Variants in CARMIL1 observed in about 807,000 individuals in gnomAD.
CARMIL1 encodes F-actin-uncapping protein LRRC16A.
Under a neutral mutation model 177.1 loss-of-function variants are expected in CARMIL1, and 90 were observed. That is an observed-to-expected ratio of 0.51 (90% CI 0.43 to 0.61). CARMIL1 has a LOEUF of 0.61. Among genes scored for constraint, CARMIL1 ranks in the 20% least tolerant of loss-of-function variants. The pLI is 0.00. For missense variants in CARMIL1, 1,380 were observed against 1,667.0 expected (o/e 0.83, Z 3.00); for synonymous variants, 577 against 606.2 (o/e 0.95, Z 0.71).
chr6:25,393,556 C>CAAAAAAAAAAA, intron 2 of CARMIL1: 1 of 91,742 alleles, frequency 1.1e-5, no homozygotes, highest in Non-Finnish European at 2.3e-5. Flanking sequence ...AACTCCATCT[C>CAAAAAAAAAAA]AAAAAAAAAA....
intron 2 of CARMIL1, among the ~76,000 whole-genome samples, chr6:25,348,388 T>C (rs139436607): frequency 0.056 from 8,532 of 151,364 alleles, 288 homozygotes; most frequent in Non-Finnish European, 0.088. Context: ...CTCCTCGGCC[T>C]CCCAAAGTGT....
chr6:25,328,480 T>C (rs1785321597), intron 2 of CARMIL1, among the ~76,000 whole-genome samples: 1 of 152,152 alleles, frequency 6.6e-6, no homozygotes, highest in African/African-American at 2.4e-5. Flanking sequence ...CCTTTCTACT[T>C]GGATATATTT....
chr6:25,459,258 C>CTT (rs1286225879), intron 8 of CARMIL1, among the ~76,000 whole-genome samples: 3 of 110,002 alleles, frequency 2.7e-5, no homozygotes, highest in South Asian at 6.2e-4. Flanking sequence ...TTCTTTCTTT[C>CTT]TTTCTTTCTT....
chr6:25,367,102 C>A (rs1581701047), intron 2 of CARMIL1, among the ~76,000 whole-genome samples: 2 of 152,164 alleles, frequency 1.3e-5, no homozygotes, highest in East Asian at 3.9e-4. Flanking sequence ...TTGGCTGCTA[C>A]TGTGAAAATT....
At chr6:25,584,437 G>T (rs1813454228) in intron 31 of CARMIL1, among the ~76,000 whole-genome samples, 1 of 148,942 alleles carries the variant, frequency 6.7e-6, no homozygotes. Flanking sequence ...GCAGAACAGA[G>T]AATTTCTCAT....
chr6:25,539,530 C>T (rs1296176202), intron 25 of CARMIL1, among the ~76,000 whole-genome samples: 2 of 142,940 alleles, frequency 1.4e-5, no homozygotes, highest in Non-Finnish European at 3.0e-5. Flanking sequence ...GAGACTGAGA[C>T]AGGAGAATCG....
intron 17 of CARMIL1, among the ~76,000 whole-genome samples, chr6:25,501,934 T>C (rs1326968132): frequency 6.8e-6 from 1 of 146,292 alleles, no homozygotes; most frequent in Admixed American, 7.0e-5. Context: ...TTATGTGATT[T>C]AACAGTCTTG....
At chr6:25,400,938 T>A (rs1227367471) in intron 2 of CARMIL1, among the ~76,000 whole-genome samples, 1 of 152,232 alleles carries the variant, frequency 6.6e-6, no homozygotes, top group African/African-American at 2.4e-5. Context: ...AACCAAGCCA[T>A]CCTTAAGAAA....
At chr6:25,322,139 T>C (rs1228189329) in intron 2 of CARMIL1, among the ~76,000 whole-genome samples, 2 of 151,890 alleles carry the variant, frequency 1.3e-5, no homozygotes, top group African/African-American at 2.4e-5. Flanking sequence ...TTTTTGTTTT[T>C]TGAGACAGAG....
intron 2 of CARMIL1, among the ~76,000 whole-genome samples, chr6:25,303,781 G>T (rs1783053117): frequency 1.3e-5 from 2 of 152,324 alleles, no homozygotes; most frequent in South Asian, 4.1e-4. Context: ...CTTTTAGGAA[G>T]ATTACTAAAA....
At chr6:25,596,842 AACAC>A (rs1041676588) in intron 32 of CARMIL1, among the ~76,000 whole-genome samples, 1 of 102,288 alleles carries the variant, frequency 9.8e-6, no homozygotes, top group Non-Finnish European at 1.9e-5. Flanking sequence ...TCTGTCACCA[AACAC>A]ACAGACACAC....
chr6:25,473,991 T>G (rs1365732369), intron 11 of CARMIL1, among the ~76,000 whole-genome samples: 1 of 152,194 alleles, frequency 6.6e-6, no homozygotes, highest in Non-Finnish European at 1.5e-5. Context: ...GGACAAGGTT[T>G]AAGAAGGAAT....
intron 5 of CARMIL1, among the ~76,000 whole-genome samples, chr6:25,448,301 C>G (rs1240351817): frequency 3.3e-5 from 5 of 152,152 alleles, no homozygotes; most frequent in African/African-American, 1.2e-4. Flanking sequence ...GTGAGGCGCA[C>G]CATGGCCTGG....
chr6:25,292,765 A>G (rs1408984049), intron 2 of CARMIL1, among the ~76,000 whole-genome samples: 2 of 152,104 alleles, frequency 1.3e-5, no homozygotes, highest in Non-Finnish European at 2.9e-5. Context: ...CCACCCTTGG[A>G]CCAGGGCAAT....
At chr6:25,438,577 C>G (rs1208833332) in intron 5 of CARMIL1, among the ~76,000 whole-genome samples, 1 of 152,192 alleles carries the variant, frequency 6.6e-6, no homozygotes, top group East Asian at 1.9e-4. Context: ...ATATCATCTT[C>G]CCAGGGCTTC....
Position 25,610,186 on chromosome 6 carries a change from G to A in CARMIL1, c.3979+5G>A, listed in dbSNP as rs754557939. On this transcript the variant is annotated splice_donor_5th_base_variant and intron_variant, in intron 36 of 36. Transcript: ENST00000329474. ...CCAGGACATTTTCACAGGAAGGTAA[G>A]GATTGTAAGGATTTCTTTTCTCTGG... 5.0e-6 allele frequency: 8 copies of A among 1,608,994 alleles called. No individual in the cohort carries two copies. The highest frequency in any genetic ancestry group is 6.8e-6 in the Non-Finnish European group (8 of 1,177,748).
At chr6:25,450,777 C>G in intron 8 of CARMIL1, 66 bp downstream of exon 8, 12 of 392,938 alleles carry the variant, frequency 3.1e-5, no homozygotes, top group Non-Finnish European at 2.7e-5. Flanking sequence ...CCTCCCTCCC[C>G]TCCCTCCCTT....
chr6:25,299,587 T>A (rs1012677526), intron 2 of CARMIL1, among the ~76,000 whole-genome samples: 4 of 152,104 alleles, frequency 2.6e-5, no homozygotes, highest in African/African-American at 9.7e-5. Context: ...GTGGGGGCTG[T>A]CCTGTGCATG....
intron 8 of CARMIL1, chr6:25,452,509 G>T: frequency 3.3e-6 from 1 of 300,358 alleles, no homozygotes; most frequent in South Asian, 9.0e-5. Context: ...TCAAAACATT[G>T]GTATTTACAA....
Sources: allele counts gnomAD v4.1 joint callset (sites outside exome capture counted in the v4.1 genomes callset), GRCh38; gene constraint gnomAD v4.1.1; transcripts MANE v1.5; gene names NCBI Gene and HGNC (gene_info 2026-07-23, HGNC 2026-07-21).